Variants in SMAP2 observed in about 807,000 individuals in gnomAD.
SMAP2 encodes small ArfGAP2, also known as stromal membrane-associated protein 2.
A neutral mutation model predicts 56.4 loss-of-function variants in SMAP2; 25 were observed. The ratio of observed to expected loss-of-function variants is 0.44; its 90% confidence interval spans 0.32 to 0.62. The LOEUF is 0.62. Ranked by LOEUF, SMAP2 falls within the 20% of genes least tolerant of loss-of-function variation. The pLI is 0.04. For synonymous variants in SMAP2, 157 were observed against 181.7 expected, an observed-to-expected ratio of 0.86 and a Z score of 1.09; for missense variants, 388 against 545.6, an observed-to-expected ratio of 0.71 and a Z score of 2.88.
chr1:40,381,473 C>G (rs1187966419), intron 1 of SMAP2, among the ~76,000 whole-genome samples: 1 of 152,094 alleles, frequency 6.6e-6, no homozygotes, highest in Non-Finnish European at 1.5e-5. Context: ...CTTTGCCAAG[C>G]TAATTTAGGG....
rs371846317 is a variant in SMAP2 at position 40,416,826 on chromosome 1, C to T, written c.894C>T (p.Pro298=). The T allele has an allele frequency of 4.7e-5, 75 of 1,610,708 alleles. No individual in the cohort carries two copies. Among genetic ancestry groups the T allele is most frequent in the Non-Finnish European group, 5.4e-5 (64 of 1,177,188 alleles). ...AGATGGCATATCCCACAGCCTACCC[C>T]AGCTTCCCCGGGGTTACACCTCCTA... ...PAQMAYPTAY[P]SFPGVTPPNS... Residue 298 remains proline (P), a synonymous_variant, in exon 9 of 10, where the codon CCC becomes CCT. Coordinates refer to ENST00000372718, the MANE Select transcript of SMAP2 (RefSeq NM_022733.3).
At chr1:40,403,863 C>T (rs1442067898) in intron 1 of SMAP2, 1 of 157,296 alleles carries the variant, frequency 6.4e-6, no homozygotes, top group African/African-American at 2.4e-5. Context: ...CTTTGGGAGG[C>T]TGAGGCGAGA....
intron 4 of SMAP2, among the ~76,000 whole-genome samples, chr1:40,411,690 TGAAAA>T (rs1219679755): frequency 3.3e-5 from 5 of 152,354 alleles, no homozygotes; most frequent in African/African-American, 1.2e-4. Flanking sequence ...TAATATCAAA[TGAAAA>T]GAAACTGGCT....
At chr1:40,349,383 G>A (rs1644401229) in intron 1 of SMAP2, among the ~76,000 whole-genome samples, 1 of 152,116 alleles carries the variant, frequency 6.6e-6, no homozygotes, top group African/African-American at 2.4e-5. Flanking sequence ...TTATCCTCAT[G>A]TTACAGATGA....
intron 8 of SMAP2, 105 bp downstream of exon 8, chr1:40,416,446 G>A (rs1644987945): frequency 6.8e-6 from 9 of 1,322,518 alleles, no homozygotes; most frequent in East Asian, 4.6e-5. Flanking sequence ...GGGCCAGGAT[G>A]TCATACACCA....
At chr1:40,400,031 A>G (rs1034497300) in intron 1 of SMAP2, among the ~76,000 whole-genome samples, 2 of 152,208 alleles carry the variant, frequency 1.3e-5, no homozygotes, top group Non-Finnish European at 2.9e-5. Flanking sequence ...TCGGGTTTAG[A>G]CTGGGGAGCC....
At chr1:40,421,946 T>C in intron 9 of SMAP2, 30 bp from the exon 10 acceptor site, 1 of 1,613,952 alleles carries the variant, frequency 6.2e-7, no homozygotes. Context: ...GCCCACAGCC[T>C]GGTCTGAAAG....
At chr1:40,348,919 T>C (rs1644399708) in intron 1 of SMAP2, among the ~76,000 whole-genome samples, 1 of 151,970 alleles carries the variant, frequency 6.6e-6, no homozygotes, top group African/African-American at 2.4e-5. Flanking sequence ...TACAGGCACA[T>C]GCCACCAGAC....
At chr1:40,354,103 A>C (rs1644422124) in intron 1 of SMAP2, among the ~76,000 whole-genome samples, 1 of 152,084 alleles carries the variant, frequency 6.6e-6, no homozygotes, top group African/African-American at 2.4e-5. Context: ...TGATAAAATA[A>C]ACCACTCTTT....
At chr1:40,388,689 T>G (rs548844999) in intron 1 of SMAP2, among the ~76,000 whole-genome samples, 3 of 152,290 alleles carry the variant, frequency 2.0e-5, no homozygotes, top group East Asian at 3.9e-4. Context: ...AGGATGTGAT[T>G]GGATGGGGCC....
At chr1:40,387,659 G>A (rs10437077) in intron 1 of SMAP2, among the ~76,000 whole-genome samples, 33,694 of 151,960 alleles carry the variant, frequency 0.22, 4,017 homozygotes, top group Admixed American at 0.33. Context: ...AAGATGGGCC[G>A]GCACTTTCAC....
intron 1 of SMAP2, among the ~76,000 whole-genome samples, chr1:40,380,958 G>C (rs2124227728): frequency 6.6e-6 from 1 of 152,246 alleles, no homozygotes; most frequent in East Asian, 1.9e-4. Flanking sequence ...TATAGCTAGT[G>C]CACTATAACT....
At chr1:40,360,979 A>C (rs189421877) in intron 1 of SMAP2, among the ~76,000 whole-genome samples, 1 of 152,228 alleles carries the variant, frequency 6.6e-6, no homozygotes, top group Non-Finnish European at 1.5e-5. Flanking sequence ...AAGCCAGTGG[A>C]CATGGGGGGC....
intron 9 of SMAP2, among the ~76,000 whole-genome samples, chr1:40,418,668 C>G (rs1238555943): frequency 6.6e-6 from 1 of 152,170 alleles, no homozygotes; most frequent in African/African-American, 2.4e-5. Context: ...CCACAAAAAT[C>G]TGTTACTTAG....
At chr1:40,405,630 T>A (rs1019267294) in intron 1 of SMAP2, among the ~76,000 whole-genome samples, 1 of 152,250 alleles carries the variant, frequency 6.6e-6, no homozygotes, top group East Asian at 1.9e-4. Flanking sequence ...TTCACCTCTT[T>A]ATTGCATCCT....
intron 2 of SMAP2, 70 bp downstream of exon 2, chr1:40,406,939 T>C: frequency 8.0e-6 from 12 of 1,494,688 alleles, no homozygotes; most frequent in Non-Finnish European, 1.1e-5. Context: ...TGAATTTCAG[T>C]CAAACCTGGC....
At position 40,351,576 on chromosome 1, in the gene SMAP2, C is replaced by T. The variant is rs140568369; in HGVS notation, c.-83+6666C>T. ...CTGGAGTGCGATGGCACGATCTTGG[C>T]TCACTGCAACCTCTGCCTCCTGGGT... On this transcript the variant is annotated intron_variant, in intron 1 of 6. Transcript: ENST00000435168. Among the ~76,000 whole-genome samples, 457 of 152,284 alleles carry T rather than the reference C, an allele frequency of 3.0e-3. 1 individual carries two copies. Among genetic ancestry groups the T allele is most frequent in the African/African-American group, 0.01 (436 of 41,558 alleles).
chr1:40,392,201 G>A (rs1644723800), intron 1 of SMAP2, among the ~76,000 whole-genome samples: 1 of 152,168 alleles, frequency 6.6e-6, no homozygotes, highest in Admixed American at 6.5e-5. Flanking sequence ...TTTGCTCCCA[G>A]TACCCCCAGA....
At chr1:40,395,321 A>T (rs1644759166) in intron 1 of SMAP2, among the ~76,000 whole-genome samples, 1 of 152,186 alleles carries the variant, frequency 6.6e-6, no homozygotes, top group Admixed American at 6.5e-5. Context: ...ACCTAAGTAT[A>T]CACTAGTTAC....
Sources: allele counts gnomAD v4.1 joint callset (sites outside exome capture counted in the v4.1 genomes callset), GRCh38; gene constraint gnomAD v4.1.1; transcripts MANE v1.5; gene names NCBI Gene and HGNC (gene_info 2026-07-23, HGNC 2026-07-21).